Variants in KIF1B observed in about 807,000 individuals in gnomAD.
KIF1B encodes the protein kinesin family member 1B, also known as kinesin-like protein KIF1B.
In KIF1B, 76 loss-of-function variants were observed where a neutral mutation model predicts 241.9. The observed-to-expected ratio is 0.31, with a 90% CI of 0.26 to 0.38. The LOEUF (loss-of-function observed/expected upper bound fraction) is 0.38. Among genes scored for constraint, KIF1B ranks in the 10% least tolerant of loss-of-function variants. KIF1B has a pLI of 1.00. For missense variants in KIF1B, 1,622 were observed against 2,271.4 expected (o/e 0.71, Z 5.81); for synonymous variants, 750 against 796.7 (o/e 0.94, Z 0.99).
chr1:10,307,871 G>A, intron 22 of KIF1B: 1 of 1,047,236 alleles, frequency 9.5e-7, no homozygotes, highest in African/African-American at 1.7e-5. Flanking sequence ...TTTAGTAAGT[G>A]TAAACCAAAG....
chr1:10,277,526 G>T (rs920883659), intron 12 of KIF1B, among the ~76,000 whole-genome samples: 1 of 152,040 alleles, frequency 6.6e-6, no homozygotes, highest in African/African-American at 2.4e-5. Context: ...TTGTAGAGAT[G>T]GGGGGTCTTG....
chr1:10,375,739 AG>A (rs1355995279), intron 48 of KIF1B, among the ~76,000 whole-genome samples: 2 of 149,488 alleles, frequency 1.3e-5, no homozygotes, highest in African/African-American at 4.9e-5. Context: ...CAGGAATATC[AG>A]GATAAATAGG....
intron 2 of KIF1B, among the ~76,000 whole-genome samples, chr1:10,252,437 G>C (rs1647511040): frequency 6.6e-6 from 1 of 151,508 alleles, no homozygotes; most frequent in Non-Finnish European, 1.5e-5. Context: ...TTGAGACAGG[G>C]TCTTAGTCTG....
intron 9 of KIF1B, among the ~76,000 whole-genome samples, chr1:10,272,675 A>C (rs1224276920): frequency 2.0e-5 from 3 of 147,024 alleles, no homozygotes; most frequent in Non-Finnish European, 4.5e-5. Flanking sequence ...TATTTTGAGC[A>C]GTTTGGCTTT....
Position 10,275,512 on chromosome 1 carries a change from AC to A in KIF1B, c.958+11del. On this transcript the variant is annotated intron_variant, in intron 11 of 48. Coordinates refer to ENST00000676179, the MANE Select transcript of KIF1B (RefSeq NM_001365951.3). ...CCTTCGAGAAAATTTAGGTATGTTG[AC>A]CACTAGTGAAAAGTAGTTATCTTTT... The A allele has an allele frequency of 7.0e-7, 1 of 1,435,344 alleles. No homozygotes were observed. Among genetic ancestry groups the A allele is most frequent in the Non-Finnish European group, 9.8e-7 (1 of 1,017,348 alleles). The allele number at this position is 1,435,344 out of a possible 1,614,324, so 88.9% of individuals were successfully genotyped here. A position where few individuals can be genotyped will look rare whatever the true frequency, so the allele number is the denominator to read the frequency against.
At chr1:10,275,783 T>C (rs1649067870) in intron 11 of KIF1B, among the ~76,000 whole-genome samples, 1 of 152,236 alleles carries the variant, frequency 6.6e-6, no homozygotes, top group African/African-American at 2.4e-5. Flanking sequence ...TTGCTCTTTC[T>C]TCGAAGTTAT....
intron 13 of KIF1B, 68 bp downstream of exon 13, chr1:10,278,196 A>G (rs555571728): frequency 5.3e-6 from 8 of 1,496,340 alleles, no homozygotes; most frequent in Middle Eastern, 1.7e-4. Flanking sequence ...CAGCGTTCTT[A>G]TATTTAAAAT....
In KIF1B at chr1:10,374,422, G is replaced by A. The variant is rs764494187; in HGVS notation, c.5053G>A (p.Glu1685Lys). The stretch of plus-strand genomic sequence containing the variant: ...ATATTTGGCCCGAGCAGGAAAAAAC[G>A]AATTTCTCAATCTTGTTCCAGATAT... Reference protein sequence around the residue: ...TPYLARAGKNEFLNLVPDIEE... With the variant: ...TPYLARAGKNKFLNLVPDIEE... Residue 1685 changes from glutamate to lysine, a missense_variant, in exon 46 of 49, where the codon GAA becomes AAA. Transcript: ENST00000676179. The surrounding 1 kb of genome is among the most constrained non-coding windows in gnomAD (Gnocchi z 4.3). The A allele has an allele frequency of 8.7e-6, 14 of 1,614,052 alleles. No individual in the cohort carries two copies. Among genetic ancestry groups the A allele is most frequent in the East Asian group, 4.5e-5 (2 of 44,898 alleles).
intron 28 of KIF1B, 138 bp downstream of exon 28, chr1:10,334,776 T>C: frequency 1.4e-6 from 1 of 722,168 alleles, no homozygotes; most frequent in Non-Finnish European, 2.5e-6. Flanking sequence ...ACACATACTT[T>C]GGAGAAAGCC....
intron 38 of KIF1B, among the ~76,000 whole-genome samples, chr1:10,356,599 T>TAAAAAAAAAA (rs368122273): frequency 4.0e-5 from 6 of 148,544 alleles, no homozygotes; most frequent in Non-Finnish European, 6.0e-5. Context: ...GCAGATGCTT[T>TAAAAAAAAAA]AAAAAAAGAA....
intron 31 of KIF1B, among the ~76,000 whole-genome samples, chr1:10,338,602 T>G (rs1281921190): frequency 6.6e-6 from 1 of 152,256 alleles, no homozygotes; most frequent in Non-Finnish European, 1.5e-5. Context: ...AACTGATGTC[T>G]GAAGTGACAA....
chr1:10,296,875 C>T (rs758416861), intron 20 of KIF1B, 22 bp from the exon 21 acceptor site: 2 of 1,609,022 alleles, frequency 1.2e-6, no homozygotes, highest in Middle Eastern at 1.7e-4. Flanking sequence ...TTTCTTAACC[C>T]TATTTTTCTG....
chr1:10,219,420 A>G (rs1480101541), intron 1 of KIF1B, among the ~76,000 whole-genome samples: 1 of 151,630 alleles, frequency 6.6e-6, no homozygotes, highest in African/African-American at 2.4e-5. Context: ...AGATCATGCC[A>G]TTGCACTCCA....
At chr1:10,220,548 AG>A (rs1301349774) in intron 1 of KIF1B, among the ~76,000 whole-genome samples, 1 of 152,146 alleles carries the variant, frequency 6.6e-6, no homozygotes, top group Non-Finnish European at 1.5e-5. Flanking sequence ...GCATGCCTAT[AG>A]TACCCAGCTA....
intron 15 of KIF1B, among the ~76,000 whole-genome samples, chr1:10,288,643 G>T (rs1649830416): frequency 6.6e-6 from 1 of 152,106 alleles, no homozygotes; most frequent in Admixed American, 6.6e-5. Context: ...TGATGCCCAG[G>T]TTCCTTCTTT....
rs1651619501 is a variant in KIF1B at position 10,323,924 on chromosome 1, C to T, written c.2399C>T (p.Ser800Phe). The change falls in exon 25 of 49, where the codon TCC becomes TTC. Residue 800 changes from serine (S) to phenylalanine (F), a missense_variant. Around this residue, in one of 7 missense-constraint regions of KIF1B, gnomAD observed 803 missense variants for 1,112.0 expected, o/e 0.72. Coordinates refer to ENST00000676179, the MANE Select transcript of KIF1B (RefSeq NM_001365951.3). ...GTTCTGCTGACTGACACACTGTACT[C>T]CCCTTTGCCTCCTGAATTACTTCCC... ...QFVLLTDTLYSPLPPELLPTE... is the reference protein window; with the variant it reads ...QFVLLTDTLYFPLPPELLPTE... 1 of 1,614,106 alleles carries T rather than the reference C, an allele frequency of 6.2e-7. No individual in the cohort carries two copies. Among genetic ancestry groups the T allele is most frequent in the Non-Finnish European group, 8.5e-7 (1 of 1,179,964 alleles).
chr1:10,350,446 A>C (rs1346345021), intron 37 of KIF1B, among the ~76,000 whole-genome samples: 1 of 146,790 alleles, frequency 6.8e-6, no homozygotes, highest in African/African-American at 2.6e-5. Context: ...TGTAGTCCCA[A>C]CTGCTCGGGA....
rs373682620 is a variant in KIF1B, at chr1:10,232,925, G to GT, written c.106+494dup. ...GTTATCAGTAATTGCTTCATAGTTT[G>GT]TTTCTCTATAGAATTGCTTAGGTGA... On this transcript the variant is annotated intron_variant, in intron 2 of 48. Transcript: ENST00000676179. 3.2e-3 allele frequency among the ~76,000 whole-genome samples: 484 copies of GT among 152,184 alleles called. 4 individuals are homozygous for GT. The Middle Eastern group carries it at 0.037, about 12-fold the overall frequency.
intron 15 of KIF1B, among the ~76,000 whole-genome samples, chr1:10,290,649 A>G (rs1170581317): frequency 6.6e-6 from 1 of 151,612 alleles, no homozygotes; most frequent in Non-Finnish European, 1.5e-5. Context: ...GCCCACGTGG[A>G]TCACGAGGTC....
Sources: gnomAD v4.1 joint callset for allele counts (sites outside exome capture counted in the v4.1 genomes callset) on GRCh38, gnomAD v4.1.1 for gene constraint, gnomAD v4.1.1 regional missense constraint, Gnocchi (gnomAD v3.1) non-coding constraint, MANE v1.5 for transcripts, NCBI Gene and HGNC (gene_info 2026-07-23, HGNC 2026-07-21) for gene names.